The following FGF14 variants were observed in gnomAD, a reference collection of about 807,000 sequenced individuals.
The protein encoded by FGF14 is fibroblast growth factor homologous factor 4.
FGF14 carries 5 observed loss-of-function variants against 25.5 expected under a neutral mutation model. The ratio of observed to expected loss-of-function variants is 0.20; its 90% CI spans 0.10 to 0.41. The LOEUF is 0.41. Ranked by LOEUF, FGF14 falls within the 10% of genes least tolerant of loss-of-function variation. The pLI, the probability that FGF14 is intolerant of heterozygous loss-of-function variation, is 1.00. For missense variants in FGF14, 222 were observed against 320.1 expected (o/e 0.69, Z 2.34); for synonymous variants, 138 against 118.3 (o/e 1.17, Z -1.08).
intron 1 of FGF14, among the ~76,000 whole-genome samples, chr13:102,010,664 C>G (rs533011377): frequency 6.6e-6 from 1 of 152,094 alleles, no homozygotes; most frequent in Non-Finnish European, 1.5e-5. Flanking sequence ...CATCACTTAC[C>G]GGCTACAATA....
At chr13:102,046,543 T>C (rs1681451110) in intron 1 of FGF14, among the ~76,000 whole-genome samples, 1 of 152,180 alleles carries the variant, frequency 6.6e-6, no homozygotes, top group Non-Finnish European at 1.5e-5. Flanking sequence ...GTCTTAGTCA[T>C]AAATCTTTAT....
At chr13:101,744,751 T>A (rs1349363638) in intron 3 of FGF14, among the ~76,000 whole-genome samples, 1 of 152,104 alleles carries the variant, frequency 6.6e-6, no homozygotes, top group Non-Finnish European at 1.5e-5. Flanking sequence ...GTGTCATTTT[T>A]ATTAAGAATT....
chr13:101,898,465 G>A (rs780991723), intron 1 of FGF14, among the ~76,000 whole-genome samples: 4 of 151,808 alleles, frequency 2.6e-5, no homozygotes, highest in Non-Finnish European at 5.9e-5. Flanking sequence ...TACTCAGTGG[G>A]TAATGTTCTG....
chr13:102,204,031 G>A (rs2049791183), intron 1 of FGF14, among the ~76,000 whole-genome samples: 1 of 152,146 alleles, frequency 6.6e-6, no homozygotes, highest in African/African-American at 2.4e-5. Flanking sequence ...AGAACAACAT[G>A]GATTTTGAGT....
chr13:102,292,100 C>A lies in FGF14; in HGVS notation c.208+109371G>T, dbSNP rs1255862487. On this transcript the variant is annotated intron_variant, in intron 1 of 4. Coordinates refer to the FGF14 transcript ENST00000376131. The stretch of plus-strand genomic sequence containing the variant: ...TTGCAGAATGGCTGGCTGGCCGGAG[C>A]CCCCGCCAATTTGTTTTTCTGGCTT... 2.0e-5 allele frequency among the ~76,000 whole-genome samples: 3 copies of A among 152,022 alleles called. No homozygotes were observed. The East Asian group carries it at 5.8e-4, about 29-fold the overall frequency.
At chr13:101,732,803 T>G (rs181645902) in intron 3 of FGF14, among the ~76,000 whole-genome samples, 7 of 152,348 alleles carry the variant, frequency 4.6e-5, no homozygotes, top group Non-Finnish European at 1.0e-4. Flanking sequence ...TTATTCTTAA[T>G]AGATTTCAAC....
intron 1 of FGF14, among the ~76,000 whole-genome samples, chr13:101,975,638 G>A (rs1404373631): frequency 3.3e-5 from 5 of 152,172 alleles, no homozygotes; most frequent in Non-Finnish European, 5.9e-5. Context: ...TGTATTGACA[G>A]GGTTTTAAAT....
Position 102,161,631 on chromosome 13 carries a change from G to GTACCCC in FGF14, c.208+239839_208+239840insGGGGTA. Among the ~76,000 whole-genome samples the GTACCCC allele has an allele frequency of 3.2e-3, 21 of 6,640 alleles. 3 individuals are homozygous for GTACCCC. Among genetic ancestry groups the GTACCCC allele is most frequent in the African/African-American group, 0.014 (17 of 1,184 alleles). The allele number at this position is 6,640 out of a possible 152,430, so 4.4% of individuals were successfully genotyped here. ...AGAAGAAGAAGAAGAAGAAGAAGAA[G>GTACCCC]AAGAAGAAGAAGAAGAAGAAGAAGA... On this transcript the variant is annotated intron_variant, in intron 1 of 4. Transcript: ENST00000376131.
At chr13:102,198,260 G>T (rs2049456866) in intron 1 of FGF14, among the ~76,000 whole-genome samples, 1 of 152,204 alleles carries the variant, frequency 6.6e-6, no homozygotes, top group Non-Finnish European at 1.5e-5. Context: ...ACAATCTCCT[G>T]GAGCTGATGG....
At chr13:102,285,411 T>C (rs2054046395) in intron 1 of FGF14, among the ~76,000 whole-genome samples, 1 of 152,200 alleles carries the variant, frequency 6.6e-6, no homozygotes, top group Non-Finnish European at 1.5e-5. Context: ...GGAATTAGAC[T>C]GAACTGACAG....
At chr13:101,836,786 A>T (rs1047089111) in intron 3 of FGF14, among the ~76,000 whole-genome samples, 1 of 152,050 alleles carries the variant, frequency 6.6e-6, no homozygotes, top group Admixed American at 6.6e-5. Context: ...AGAACCAGCA[A>T]GAGATTTTTG....
intron 1 of FGF14, among the ~76,000 whole-genome samples, chr13:102,115,439 T>TC (rs1425250313): frequency 4.6e-5 from 7 of 152,248 alleles, no homozygotes; most frequent in African/African-American, 7.2e-5. Flanking sequence ...AAATGGTATC[T>TC]CATTGTCATT....
chr13:101,910,221 T>C (rs2032768724), intron 1 of FGF14, among the ~76,000 whole-genome samples: 1 of 152,104 alleles, frequency 6.6e-6, no homozygotes, highest in Admixed American at 6.5e-5. Flanking sequence ...TGTGCACATG[T>C]ACCCTAAAAC....
intron 1 of FGF14, among the ~76,000 whole-genome samples, chr13:102,239,751 T>C (rs1183854390): frequency 1.3e-5 from 2 of 152,198 alleles, no homozygotes; most frequent in Non-Finnish European, 2.9e-5. Flanking sequence ...GTATTTACTT[T>C]TCTTACTGCA....
intron 1 of FGF14, among the ~76,000 whole-genome samples, chr13:102,183,290 AATC>A (rs2048748959): frequency 6.6e-6 from 1 of 152,222 alleles, no homozygotes; most frequent in South Asian, 2.1e-4. Flanking sequence ...AAGTTAAATT[AATC>A]ATGTTTTCTA....
At chr13:102,137,245 CCAAAA>C (rs2046451314) in intron 1 of FGF14, among the ~76,000 whole-genome samples, 1 of 152,078 alleles carries the variant, frequency 6.6e-6, no homozygotes, top group Non-Finnish European at 1.5e-5. Flanking sequence ...CTCTTGGCAA[CCAAAA>C]CAAGATAACT....
chr13:102,126,266 G>A (rs937704934), intron 1 of FGF14, among the ~76,000 whole-genome samples: 42 of 152,168 alleles, frequency 2.8e-4, no homozygotes, highest in African/African-American at 8.9e-4. Context: ...ATCTACTTTA[G>A]GTCTCTATGA....
intron 1 of FGF14, among the ~76,000 whole-genome samples, chr13:102,320,897 C>T (rs550852478): frequency 2.0e-5 from 3 of 152,324 alleles, no homozygotes; most frequent in African/African-American, 7.2e-5. Context: ...ACCTTTCACA[C>T]TGAATTCTTA....
chr13:102,228,875 T>A (rs12428481), intron 1 of FGF14, among the ~76,000 whole-genome samples: 17 of 152,200 alleles, frequency 1.1e-4, no homozygotes, highest in Admixed American at 1.1e-3. Flanking sequence ...TCCTCTTCCA[T>A]TGTTAGGTAT....
Sources: allele counts gnomAD v4.1 joint callset (sites outside exome capture counted in the v4.1 genomes callset), GRCh38; gene constraint gnomAD v4.1.1; transcripts MANE v1.5; gene names NCBI Gene and HGNC (gene_info 2026-07-23, HGNC 2026-07-21).